BMPR2: variants seen among roughly 807,000 people sequenced by gnomAD.
BMPR2 encodes the protein bone morphogenetic protein receptor type 2.
BMPR2 carries 29 observed loss-of-function variants against 100.8 expected under a neutral mutation model. That is an observed-to-expected ratio of 0.29 (90% confidence interval 0.21 to 0.39). The LOEUF (loss-of-function observed/expected upper bound fraction) is 0.39, where lower values mean the gene tolerates loss of function less well. Ranked by LOEUF, BMPR2 falls within the 10% of genes least tolerant of loss-of-function variation. The probability of loss-of-function intolerance (pLI) is 1.00; values close to 1 mark genes in which losing one functional copy is unlikely to be tolerated. For synonymous variants in BMPR2, 382 were observed against 442.3 expected, an observed-to-expected ratio of 0.86 and a Z score of 1.71; for missense variants, 1,011 against 1,274.5, an observed-to-expected ratio of 0.79 and a Z score of 3.15.
chr2:202,473,086 G>T (rs914626409), intron 3 of BMPR2, among the ~76,000 whole-genome samples: 4 of 152,104 alleles, frequency 2.6e-5, no homozygotes, highest in Non-Finnish European at 5.9e-5. Flanking sequence ...ATCAGAAACA[G>T]AACTTTTGCT....
intron 2 of BMPR2, among the ~76,000 whole-genome samples, chr2:202,466,614 T>C (rs778508894): frequency 2.5e-4 from 34 of 138,014 alleles, no homozygotes; most frequent in Admixed American, 4.4e-4. Context: ...ATTTATTTAT[T>C]TGTTATTGTA....
intron 1 of BMPR2, among the ~76,000 whole-genome samples, chr2:202,439,254 A>G (rs965223961): frequency 2.7e-5 from 4 of 149,664 alleles, no homozygotes; most frequent in African/African-American, 1.0e-4. Context: ...TTAATTTCGC[A>G]TTTGGATTGC....
At chr2:202,539,153 G>A (rs1688223788) in intron 9 of BMPR2, among the ~76,000 whole-genome samples, 1 of 151,778 alleles carries the variant, frequency 6.6e-6, no homozygotes, top group Non-Finnish European at 1.5e-5. Context: ...TTGTAAGTCA[G>A]TATTAGAAAA....
In BMPR2 at chr2:202,380,354, TGAG is replaced by T. The variant is rs549593617; in HGVS notation, c.76+2807_76+2809del. Among the ~76,000 whole-genome samples the T allele has an allele frequency of 2.6e-4, 40 of 152,344 alleles. No homozygotes were observed. The East Asian group carries it at 5.8e-3, about 22-fold the overall frequency. The stretch of plus-strand genomic sequence containing the variant: ...AGATTGCAATTTTACATACATCTCT[TGAG>T]GAACACACACATTATATAAAGTAAG... On this transcript the variant is annotated intron_variant, in intron 1 of 12. Coordinates refer to ENST00000374580, the MANE Select transcript of BMPR2 (RefSeq NM_001204.7).
chr2:202,427,098 G>GCCAA (rs1182148516), intron 1 of BMPR2, among the ~76,000 whole-genome samples: 3 of 152,076 alleles, frequency 2.0e-5, no homozygotes, highest in African/African-American at 7.2e-5. Flanking sequence ...CACCTATAAT[G>GCCAA]CCAAAACTTT....
At position 202,532,902 on chromosome 2, in the gene BMPR2, A is replaced by T. The variant is rs879427998; in HGVS notation, c.1276+170A>T. ...AAACATTATTAGCAGCAGGATGCAA[A>T]TTAGGAATTTTTTTTTTTAGAGTAC... is the stretch of plus-strand genomic sequence containing the variant. On this transcript the variant is annotated intron_variant, in intron 9 of 12. Coordinates refer to ENST00000374580, the MANE Select transcript of BMPR2 (RefSeq NM_001204.7). This position sits in a 1 kb window ranked among gnomAD's most constrained non-coding sequence, Gnocchi z 4.1. 2.6e-5 allele frequency among the ~76,000 whole-genome samples: 4 copies of T among 152,138 alleles called. No homozygotes were observed. Among genetic ancestry groups the T allele is most frequent in the Non-Finnish European group, 5.9e-5 (4 of 68,034 alleles).
At chr2:202,428,575 A>G (rs931868056) in intron 1 of BMPR2, among the ~76,000 whole-genome samples, 1 of 151,888 alleles carries the variant, frequency 6.6e-6, no homozygotes, top group Non-Finnish European at 1.5e-5. Flanking sequence ...AATTTTAAAA[A>G]AGTTTTTTTT....
At chr2:202,441,967 A>C (rs1029764685) in intron 1 of BMPR2, among the ~76,000 whole-genome samples, 2 of 149,398 alleles carry the variant, frequency 1.3e-5, no homozygotes, top group Non-Finnish European at 2.9e-5. Flanking sequence ...CAGGAGGCGG[A>C]GGTTGCAGTG....
At chr2:202,523,756 A>G (rs1002098790) in intron 7 of BMPR2, among the ~76,000 whole-genome samples, 2 of 152,052 alleles carry the variant, frequency 1.3e-5, no homozygotes, top group Non-Finnish European at 2.9e-5. Context: ...GTGAGCCAAG[A>G]TCGTGCCATT....
intron 1 of BMPR2, among the ~76,000 whole-genome samples, chr2:202,459,848 A>AT (rs1692191183): frequency 6.6e-6 from 1 of 152,246 alleles, no homozygotes; most frequent in South Asian, 2.1e-4. Flanking sequence ...ATGGGAGTAA[A>AT]TTTTTGCAAA....
intron 1 of BMPR2, among the ~76,000 whole-genome samples, chr2:202,439,749 T>C (rs1323750663): frequency 2.0e-5 from 3 of 149,300 alleles, no homozygotes; most frequent in Non-Finnish European, 4.4e-5. Flanking sequence ...TTTTTTCTTT[T>C]TTCTTTTTTT....
chr2:202,498,507 G>T (rs1267589042), intron 3 of BMPR2, among the ~76,000 whole-genome samples: 1 of 150,612 alleles, frequency 6.6e-6, no homozygotes, highest in Non-Finnish European at 1.5e-5. Context: ...TTGGGCAGGG[G>T]TTGTTTCTGC....
chr2:202,383,401 C>T (rs1349341670), intron 1 of BMPR2, among the ~76,000 whole-genome samples: 1 of 152,164 alleles, frequency 6.6e-6, no homozygotes, highest in Non-Finnish European at 1.5e-5. Flanking sequence ...CAAAATTAGG[C>T]CAGTTGCCAT....
chr2:202,376,732 C>T lies in BMPR2; in HGVS notation c.-743C>T, dbSNP rs999004147. ...AGCCTCTCACACCCACTCCGCCTGCCGTCTCGGGGAGCCCGGACCGGGGCC... is the reference window on the plus strand; with the variant it reads ...AGCCTCTCACACCCACTCCGCCTGCTGTCTCGGGGAGCCCGGACCGGGGCC... On this transcript the variant is annotated 5_prime_UTR_variant, in exon 1 of 13. Transcript: ENST00000374580. 4.0e-5 allele frequency among the ~76,000 whole-genome samples: 6 copies of T among 150,738 alleles called. No homozygotes were observed. The highest frequency in any genetic ancestry group is 1.2e-4 in the African/African-American group (5 of 41,050).
intron 4 of BMPR2, 37 bp from the exon 5 acceptor site, chr2:202,514,851 A>G (rs1375783129): frequency 3.4e-5 from 51 of 1,514,230 alleles, no homozygotes; most frequent in Non-Finnish European, 4.6e-5. Flanking sequence ...CATTTTAAGA[A>G]AACCATATAT....
chr2:202,442,246 T>C (rs1027380781), intron 1 of BMPR2, among the ~76,000 whole-genome samples: 2 of 150,278 alleles, frequency 1.3e-5, no homozygotes, highest in Admixed American at 1.3e-4. Flanking sequence ...TCATTAGCAG[T>C]TATTCCCAGT....
At chr2:202,502,287 G>A (rs191657008) in intron 3 of BMPR2, among the ~76,000 whole-genome samples, 58 of 152,196 alleles carry the variant, frequency 3.8e-4, no homozygotes, top group African/African-American at 1.3e-3. Flanking sequence ...CACTGACAAA[G>A]CCATCAAAAT....
At chr2:202,504,053 TG>T (rs1687464058) in intron 3 of BMPR2, among the ~76,000 whole-genome samples, 1 of 152,170 alleles carries the variant, frequency 6.6e-6, no homozygotes, top group African/African-American at 2.4e-5. Context: ...GCTAATCTGG[TG>T]GGGACGTGGA....
chr2:202,468,631 T>C (rs1692372171), intron 3 of BMPR2, among the ~76,000 whole-genome samples: 1 of 152,240 alleles, frequency 6.6e-6, no homozygotes, highest in Non-Finnish European at 1.5e-5. Context: ...TTGAGTTGTT[T>C]ACTGCAGTGT....
Sources: allele counts gnomAD v4.1 joint callset (sites outside exome capture counted in the v4.1 genomes callset), GRCh38; gene constraint gnomAD v4.1.1; non-coding constraint Gnocchi (gnomAD v3.1); transcripts MANE v1.5; gene names NCBI Gene and HGNC (gene_info 2026-07-23, HGNC 2026-07-21).